KCNH8: variants seen among roughly 807,000 people sequenced by gnomAD.
KCNH8 encodes the protein potassium voltage-gated channel subfamily H member 8.
In KCNH8, 70 loss-of-function variants were observed where a neutral mutation model predicts 103.6. The observed-to-expected ratio is 0.68, with a 90% CI of 0.56 to 0.82. The LOEUF (loss-of-function observed/expected upper bound fraction) is 0.82, where lower values mean the gene tolerates loss of function less well. KCNH8 is among the 40% of genes least tolerant of loss of function. KCNH8 has a pLI of 0.00. For synonymous variants in KCNH8, 498 were observed against 489.4 expected (o/e 1.02, Z -0.23); for missense variants, 1,217 against 1,329.9 (o/e 0.92, Z 1.32).
chr3:19,263,250 A>G (rs1432357162), intron 2 of KCNH8, among the ~76,000 whole-genome samples: 6 of 152,092 alleles, frequency 3.9e-5, no homozygotes, highest in Non-Finnish European at 5.9e-5. Context: ...TGTGTAATAT[A>G]TATGACCATA....
At chr3:19,488,232 A>G (rs1278695269) in intron 11 of KCNH8, among the ~76,000 whole-genome samples, 1 of 152,188 alleles carries the variant, frequency 6.6e-6, no homozygotes, top group Non-Finnish European at 1.5e-5. Context: ...TTACATTGAA[A>G]GTGTGGGCGA....
chr3:19,165,268 C>T (rs2063271953), intron 1 of KCNH8, among the ~76,000 whole-genome samples: 1 of 152,166 alleles, frequency 6.6e-6, no homozygotes, highest in African/African-American at 2.4e-5. Flanking sequence ...CAATTACTTT[C>T]ACACGAACCT....
intron 15 of KCNH8, among the ~76,000 whole-genome samples, chr3:19,518,669 C>T (rs187178698): frequency 1.6e-3 from 242 of 152,104 alleles, no homozygotes; most frequent in Non-Finnish European, 2.9e-3. Flanking sequence ...TTGAATCCAT[C>T]ATCTATAAAT....
intron 5 of KCNH8, among the ~76,000 whole-genome samples, chr3:19,351,263 T>C (rs2065798085): frequency 6.6e-6 from 1 of 152,132 alleles, no homozygotes; most frequent in Non-Finnish European, 1.5e-5. Context: ...ATCTGATTGG[T>C]GTACCTCAAA....
At chr3:19,166,915 A>G (rs574353394) in intron 1 of KCNH8, among the ~76,000 whole-genome samples, 21 of 152,336 alleles carry the variant, frequency 1.4e-4, no homozygotes, top group Non-Finnish European at 2.2e-4. Flanking sequence ...AGTGGTTAGT[A>G]TAGAAGGATT....
chr3:19,414,797 C>G (rs2066837968), intron 7 of KCNH8, among the ~76,000 whole-genome samples: 1 of 151,740 alleles, frequency 6.6e-6, no homozygotes, highest in Non-Finnish European at 1.5e-5. Context: ...AATTTCAAGC[C>G]CATTTTATAA....
intron 1 of KCNH8, among the ~76,000 whole-genome samples, chr3:19,183,217 G>T (rs2063472959): frequency 6.6e-6 from 1 of 152,086 alleles, no homozygotes; most frequent in Non-Finnish European, 1.5e-5. Context: ...AATGAGATAT[G>T]TAATTAAGAA....
chr3:19,512,932 T>C lies in KCNH8; in HGVS notation c.2080-38T>C, dbSNP rs145803217. The stretch of plus-strand genomic sequence containing the variant: ...TAATGATATACCTTTTCTGCGGTTT[T>C]TGCAGTCTGTACTAATTTATATTAT... On this transcript the variant is annotated intron_variant, in intron 12 of 15. Coordinates refer to ENST00000328405, the MANE Select transcript of KCNH8 (RefSeq NM_144633.3). 8.4e-4 allele frequency: 1,319 copies of C among 1,572,844 alleles called. 1 individual carries two copies. Among genetic ancestry groups the C allele is most frequent in the Middle Eastern group, 4.7e-3 (27 of 5,790 alleles).
chr3:19,521,716 T>C (rs2068973761), intron 15 of KCNH8, among the ~76,000 whole-genome samples: 1 of 151,968 alleles, frequency 6.6e-6, no homozygotes, highest in Non-Finnish European at 1.5e-5. Context: ...GAAAACAAAA[T>C]GGCAGATTAA....
chr3:19,514,650 T>C (rs2068843136), intron 13 of KCNH8, among the ~76,000 whole-genome samples: 1 of 151,718 alleles, frequency 6.6e-6, no homozygotes, highest in South Asian at 2.1e-4. Context: ...GTGGGTTAGA[T>C]ACTATTTACC....
chr3:19,470,647 A>G (rs1361348103), intron 11 of KCNH8, among the ~76,000 whole-genome samples: 3 of 152,182 alleles, frequency 2.0e-5, no homozygotes, highest in South Asian at 2.1e-4. Flanking sequence ...GGTGGTTTCC[A>G]TGGAATCCCT....
At chr3:19,349,807 C>T (rs1160692007) in intron 5 of KCNH8, among the ~76,000 whole-genome samples, 1 of 152,098 alleles carries the variant, frequency 6.6e-6, no homozygotes, top group Non-Finnish European at 1.5e-5. Flanking sequence ...ATAGCAACCC[C>T]TAAATTCTTC....
At chr3:19,455,110 A>C (rs908518122) in intron 10 of KCNH8, among the ~76,000 whole-genome samples, 1 of 152,098 alleles carries the variant, frequency 6.6e-6, no homozygotes, top group Non-Finnish European at 1.5e-5. Context: ...TCCAACCATA[A>C]ACTTGTTCTA....
intron 3 of KCNH8, among the ~76,000 whole-genome samples, chr3:19,313,180 G>A (rs1360680966): frequency 6.6e-6 from 1 of 151,872 alleles, no homozygotes; most frequent in African/African-American, 2.4e-5. Context: ...TGGTGTGTGA[G>A]TCCTGACAAG....
intron 3 of KCNH8, among the ~76,000 whole-genome samples, chr3:19,306,625 C>A (rs966222488): frequency 1.3e-5 from 2 of 152,016 alleles, no homozygotes; most frequent in East Asian, 3.9e-4. Flanking sequence ...ACAATTCTTT[C>A]TAAAGAATGA....
At chr3:19,288,185 T>TTTTTTTTC (rs1361137221) in intron 3 of KCNH8, among the ~76,000 whole-genome samples, 16 of 137,030 alleles carry the variant, frequency 1.2e-4, no homozygotes, top group African/African-American at 4.2e-4. Flanking sequence ...AAACTTCTTT[T>TTTTTTTTC]TTTTTTTTTT....
At chr3:19,346,971 G>A (rs2065737909) in intron 4 of KCNH8, among the ~76,000 whole-genome samples, 1 of 152,058 alleles carries the variant, frequency 6.6e-6, no homozygotes, top group African/African-American at 2.4e-5. Context: ...TGCTTTTGCA[G>A]TTATCAAAAA....
At chr3:19,211,225 G>T (rs1455667695) in intron 1 of KCNH8, among the ~76,000 whole-genome samples, 1 of 152,172 alleles carries the variant, frequency 6.6e-6, no homozygotes, top group African/African-American at 2.4e-5. Context: ...AAAAATGCAA[G>T]AGCAATATGT....
At position 19,235,815 on chromosome 3, in the gene KCNH8, T is replaced by G. The variant is rs2064057982; in HGVS notation, c.77-17839T>G. Among the ~76,000 whole-genome samples the G allele has an allele frequency of 2.0e-5, 3 of 152,354 alleles. No homozygotes were observed. The South Asian group carries it at 6.2e-4, about 32-fold the overall frequency. On this transcript the variant is annotated intron_variant, in intron 1 of 15. Transcript: ENST00000328405. The stretch of plus-strand genomic sequence containing the variant: ...TGAAAGACATCCTAGTTGAAATGAC[T>G]TGATTTTCTTAAGCAATTATTTTAG...
Sources: allele counts gnomAD v4.1 joint callset (sites outside exome capture counted in the v4.1 genomes callset), GRCh38; gene constraint gnomAD v4.1.1; transcripts MANE v1.5; gene names NCBI Gene and HGNC (gene_info 2026-07-23, HGNC 2026-07-21).